The following GRID2 variants were observed in gnomAD, a reference collection of about 807,000 sequenced individuals.
GRID2 encodes the protein glutamate receptor ionotropic, delta-2.
A neutral mutation model predicts 114.8 loss-of-function variants in GRID2; 33 were observed. The observed-to-expected ratio is 0.29, with a 90% CI of 0.22 to 0.38. The LOEUF (loss-of-function observed/expected upper bound fraction) is 0.38, where lower values mean the gene tolerates loss of function less well. Among genes scored for constraint, GRID2 ranks in the 10% least tolerant of loss-of-function variants. GRID2 has a pLI of 1.00. For synonymous variants in GRID2, 505 were observed against 449.9 expected (o/e 1.12, Z -1.55); for missense variants, 1,184 against 1,257.7 (o/e 0.94, Z 0.89).
At chr4:92,873,028 T>G (rs2149448135) in intron 2 of GRID2, among the ~76,000 whole-genome samples, 1 of 152,266 alleles carries the variant, frequency 6.6e-6, no homozygotes, top group Admixed American at 6.5e-5. Flanking sequence ...CTTCCACAGA[T>G]ACCAACAGAA....
intron 11 of GRID2, among the ~76,000 whole-genome samples, chr4:93,457,705 C>T (rs1018541151): frequency 2.6e-5 from 4 of 151,880 alleles, no homozygotes; most frequent in Non-Finnish European, 4.4e-5. Context: ...TTACCTATAG[C>T]GTGGTGTGGG....
intron 2 of GRID2, among the ~76,000 whole-genome samples, chr4:92,654,827 G>A (rs1032336447): frequency 5.9e-5 from 9 of 151,842 alleles, no homozygotes; most frequent in African/African-American, 2.2e-4. Flanking sequence ...TAATTTCCAA[G>A]TATTTTCTCC....
chr4:92,845,424 T>C (rs1318990557), intron 2 of GRID2, among the ~76,000 whole-genome samples: 1 of 152,150 alleles, frequency 6.6e-6, no homozygotes, highest in African/African-American at 2.4e-5. Context: ...TGTGCATTGT[T>C]TTAGAAACTT....
At chr4:93,555,465 C>T (rs1253887289) in intron 13 of GRID2, among the ~76,000 whole-genome samples, 2 of 152,116 alleles carry the variant, frequency 1.3e-5, no homozygotes, top group African/African-American at 2.4e-5. Flanking sequence ...AGGGGGTTTT[C>T]CCCTCACAGT....
intron 14 of GRID2, among the ~76,000 whole-genome samples, chr4:93,672,454 A>G (rs1461616525): frequency 1.3e-5 from 2 of 152,230 alleles, no homozygotes; most frequent in East Asian, 3.8e-4. Context: ...GCTACAATTC[A>G]AAAATGTATT....
intron 2 of GRID2, among the ~76,000 whole-genome samples, chr4:93,061,192 T>C: frequency 8.3e-6 from 1 of 119,784 alleles, no homozygotes; most frequent in African/African-American, 3.1e-5. Context: ...ATCAGGTTTT[T>C]CTTGTTTTTT....
intron 1 of GRID2, among the ~76,000 whole-genome samples, chr4:92,543,064 A>G (rs1387032098): frequency 6.6e-6 from 1 of 152,140 alleles, no homozygotes; most frequent in South Asian, 2.1e-4. Flanking sequence ...ACTAAAGTTA[A>G]AAAAGTGCAA....
At chr4:93,373,920 T>G (rs926566228) in intron 8 of GRID2, among the ~76,000 whole-genome samples, 6 of 132,914 alleles carry the variant, frequency 4.5e-5, no homozygotes, top group African/African-American at 1.7e-4. Flanking sequence ...TTGAAATAAG[T>G]GCTAAATTTC....
chr4:92,339,372 C>G (rs9998949), intron 1 of GRID2, among the ~76,000 whole-genome samples: 2,084 of 152,204 alleles, frequency 0.014, 55 homozygotes, highest in African/African-American at 0.048. Context: ...GGTTTTAACA[C>G]TAGACCAATT....
At chr4:93,449,557 T>C (rs1405193241) in intron 10 of GRID2, among the ~76,000 whole-genome samples, 3 of 152,094 alleles carry the variant, frequency 2.0e-5, no homozygotes, top group African/African-American at 7.2e-5. Flanking sequence ...CAGGATCAAA[T>C]GAATATCTGA....
intron 2 of GRID2, among the ~76,000 whole-genome samples, chr4:92,614,720 G>T (rs185783678): frequency 6.6e-6 from 1 of 151,654 alleles, no homozygotes; most frequent in Non-Finnish European, 1.5e-5. Context: ...GGTCAAATTT[G>T]TTGATAGACT....
chr4:93,158,901 G>A (rs1378544092), intron 4 of GRID2, among the ~76,000 whole-genome samples: 2 of 151,494 alleles, frequency 1.3e-5, no homozygotes, highest in Admixed American at 6.6e-5. Context: ...ATTAAGTTGA[G>A]CTTAGACCTG....
At chr4:92,426,145 A>C (rs1460435963) in intron 1 of GRID2, among the ~76,000 whole-genome samples, 1 of 152,122 alleles carries the variant, frequency 6.6e-6, no homozygotes, top group Non-Finnish European at 1.5e-5. Flanking sequence ...TCTGGCATGT[A>C]GTTTTCTCAG....
intron 2 of GRID2, among the ~76,000 whole-genome samples, chr4:92,692,086 A>G (rs542737717): frequency 6.6e-6 from 1 of 152,304 alleles, no homozygotes; most frequent in African/African-American, 2.4e-5. Flanking sequence ...ATTTTAATAT[A>G]TTAGAGCCCC....
At chr4:92,591,080 G>T (rs1053860370) in intron 2 of GRID2, among the ~76,000 whole-genome samples, 3 of 152,228 alleles carry the variant, frequency 2.0e-5, no homozygotes, top group African/African-American at 7.2e-5. Context: ...CCGCTGCATA[G>T]GTTGAAACTG....
chr4:93,595,640 C>T (rs1439396259), intron 13 of GRID2, among the ~76,000 whole-genome samples: 1 of 152,206 alleles, frequency 6.6e-6, no homozygotes, highest in Non-Finnish European at 1.5e-5. Flanking sequence ...TATTAAATGA[C>T]TTATCCCTGA....
At chr4:93,298,555 A>G (rs574253756) in intron 8 of GRID2, among the ~76,000 whole-genome samples, 1 of 152,332 alleles carries the variant, frequency 6.6e-6, no homozygotes, top group East Asian at 1.9e-4. Context: ...TCAGCATATG[A>G]ATTTTGGGTG....
intron 11 of GRID2, among the ~76,000 whole-genome samples, chr4:93,475,996 C>T (rs1725286350): frequency 6.6e-6 from 1 of 151,924 alleles, no homozygotes; most frequent in Non-Finnish European, 1.5e-5. Flanking sequence ...GGTGCCTTTC[C>T]CAGCCCTCAT....
intron 5 of GRID2, among the ~76,000 whole-genome samples, chr4:93,215,561 C>A (rs1457568201): frequency 6.6e-6 from 1 of 151,876 alleles, no homozygotes; most frequent in African/African-American, 2.4e-5. Flanking sequence ...CTGAGAAAAA[C>A]CATTTTTATG....
Sources: gnomAD v4.1 joint callset for allele counts (sites outside exome capture counted in the v4.1 genomes callset) on GRCh38, gnomAD v4.1.1 for gene constraint, MANE v1.5 for transcripts, NCBI Gene and HGNC (gene_info 2026-07-23, HGNC 2026-07-21) for gene names.